NALF1: variants seen among roughly 807,000 people sequenced by gnomAD.
The protein encoded by NALF1 is NALCN channel auxiliary factor 1.
A neutral mutation model predicts 48.4 loss-of-function variants in NALF1; 3 were observed. The ratio of observed to expected loss-of-function variants is 0.06; its 90% CI spans 0.03 to 0.16. The LOEUF is 0.16. Among genes scored for constraint, NALF1 ranks in the 10% least tolerant of loss-of-function variants. The pLI is 1.00. For synonymous variants in NALF1, 262 were observed against 245.7 expected, an observed-to-expected ratio of 1.07 and a Z score of -0.62; for missense variants, 526 against 571.5, an observed-to-expected ratio of 0.92 and a Z score of 0.81.
intron 1 of NALF1, among the ~76,000 whole-genome samples, chr13:107,394,115 A>G (rs1883671237): frequency 6.6e-6 from 1 of 152,192 alleles, no homozygotes; most frequent in Non-Finnish European, 1.5e-5. Context: ...GCAGCACTTT[A>G]GTATATTGTA....
chr13:107,844,130 G>C (rs117194314), intron 1 of NALF1, among the ~76,000 whole-genome samples: 2,196 of 152,162 alleles, frequency 0.014, 22 homozygotes, highest in Non-Finnish European at 0.024. Flanking sequence ...TCTAAAAATA[G>C]TTGATTAGGG....
At chr13:107,673,628 G>C (rs1329407772) in intron 1 of NALF1, among the ~76,000 whole-genome samples, 1 of 152,128 alleles carries the variant, frequency 6.6e-6, no homozygotes, top group African/African-American at 2.4e-5. Context: ...CAGCACTGTA[G>C]GGTGACTATA....
At chr13:107,539,370 C>T (rs942257744) in intron 1 of NALF1, among the ~76,000 whole-genome samples, 4 of 151,878 alleles carry the variant, frequency 2.6e-5, no homozygotes, top group Non-Finnish European at 4.4e-5. Context: ...CCCACTCCCA[C>T]GATAATGAAA....
intron 1 of NALF1, among the ~76,000 whole-genome samples, chr13:107,786,481 T>C (rs2030735): frequency 0.05 from 7,372 of 147,046 alleles, 541 homozygotes; most frequent in East Asian, 0.39. Context: ...CCCAACACTT[T>C]GGGAGTCTGA....
intron 1 of NALF1, among the ~76,000 whole-genome samples, chr13:107,346,567 G>A (rs1251660369): frequency 6.6e-6 from 1 of 152,186 alleles, no homozygotes; most frequent in African/African-American, 2.4e-5. Context: ...TGGTTATGAA[G>A]TAATCAAACT....
At chr13:107,808,342 A>G (rs1157056363) in intron 1 of NALF1, among the ~76,000 whole-genome samples, 1 of 152,130 alleles carries the variant, frequency 6.6e-6, no homozygotes, top group Non-Finnish European at 1.5e-5. Context: ...ACAACTTTTA[A>G]AAGATTCTTC....
intron 1 of NALF1, among the ~76,000 whole-genome samples, chr13:107,514,614 C>A (rs1876001362): frequency 6.6e-6 from 1 of 152,060 alleles, no homozygotes; most frequent in African/African-American, 2.4e-5. Flanking sequence ...TTCTTGCACA[C>A]CTGAATTGTT....
intron 1 of NALF1, among the ~76,000 whole-genome samples, chr13:107,455,488 T>A (rs1873265104): frequency 2.0e-5 from 3 of 152,176 alleles, no homozygotes; most frequent in Admixed American, 2.0e-4. Flanking sequence ...GCTATGAACA[T>A]CCCACACCAG....
intron 1 of NALF1, among the ~76,000 whole-genome samples, chr13:107,522,627 A>C (rs1231771499): frequency 6.7e-6 from 1 of 149,270 alleles, no homozygotes; most frequent in African/African-American, 2.5e-5. Context: ...TTTTTTTGAG[A>C]CAGTCTTGTT....
intron 1 of NALF1, among the ~76,000 whole-genome samples, chr13:107,347,890 G>A (rs955383491): frequency 6.6e-6 from 1 of 152,124 alleles, no homozygotes; most frequent in Non-Finnish European, 1.5e-5. Flanking sequence ...GTATCATGAC[G>A]CAAATCCTGC....
chr13:107,471,286 T>A (rs1021905932), intron 1 of NALF1, among the ~76,000 whole-genome samples: 1 of 151,534 alleles, frequency 6.6e-6, no homozygotes, highest in Admixed American at 6.6e-5. Flanking sequence ...AAATGCTAAT[T>A]TATCTACCAT....
At chr13:107,769,472 T>G (rs1054738188) in intron 1 of NALF1, among the ~76,000 whole-genome samples, 3 of 138,814 alleles carry the variant, frequency 2.2e-5, no homozygotes, top group Non-Finnish European at 4.6e-5. Flanking sequence ...TTCTCACTCA[T>G]AGGTGGGAAT....
chr13:107,365,818 C>G (rs1437612906), intron 1 of NALF1, among the ~76,000 whole-genome samples: 1 of 152,194 alleles, frequency 6.6e-6, no homozygotes, highest in African/African-American at 2.4e-5. Flanking sequence ...TACCCTCAAA[C>G]TGCACTAAAA....
intron 1 of NALF1, among the ~76,000 whole-genome samples, chr13:107,502,175 T>C (rs1875546293): frequency 6.6e-6 from 1 of 152,136 alleles, no homozygotes. Flanking sequence ...AATACAAATA[T>C]GAGAAAAAAC....
intron 1 of NALF1, among the ~76,000 whole-genome samples, chr13:107,270,911 G>A (rs1453258858): frequency 3.3e-5 from 5 of 150,716 alleles, no homozygotes; most frequent in African/African-American, 2.4e-5. Context: ...GAGAATATGC[G>A]GTGTTTGGTT....
chr13:107,294,124 GAAC>G (rs1881681469), intron 1 of NALF1, among the ~76,000 whole-genome samples: 2 of 152,130 alleles, frequency 1.3e-5, no homozygotes, highest in Admixed American at 6.5e-5. Flanking sequence ...CTATCTCGAA[GAAC>G]TACTGCCAAT....
chr13:107,438,421 C>T (rs1254333786), intron 1 of NALF1, among the ~76,000 whole-genome samples: 1 of 152,014 alleles, frequency 6.6e-6, no homozygotes, highest in Non-Finnish European at 1.5e-5. Context: ...TAATGCTTGC[C>T]AAATTGCCCT....
At chr13:107,601,202 G>A (rs1594152930) in intron 1 of NALF1, among the ~76,000 whole-genome samples, 1 of 152,240 alleles carries the variant, frequency 6.6e-6, no homozygotes, top group East Asian at 1.9e-4. Context: ...AAACCCACAA[G>A]GAGTCTAAAG....
chr13:107,299,360 C>T (rs1379269054), intron 1 of NALF1, among the ~76,000 whole-genome samples: 1 of 151,370 alleles, frequency 6.6e-6, no homozygotes, highest in Non-Finnish European at 1.5e-5. Context: ...GAACTGGCAC[C>T]CAGGAGGCGG....
Sources: allele counts gnomAD v4.1 joint callset (sites outside exome capture counted in the v4.1 genomes callset), GRCh38; gene constraint gnomAD v4.1.1; transcripts MANE v1.5; gene names NCBI Gene and HGNC (gene_info 2026-07-23, HGNC 2026-07-21).